The following CEP126 variants were observed in gnomAD, a reference collection of about 807,000 sequenced individuals.
The protein encoded by CEP126 is centrosomal protein of 126 kDa.
In CEP126, 74 loss-of-function variants were observed where a neutral mutation model predicts 107.8. The observed-to-expected ratio is 0.69, with a 90% CI of 0.57 to 0.83. The LOEUF (loss-of-function observed/expected upper bound fraction) is 0.83. Among genes scored for constraint, CEP126 ranks in the 40% least tolerant of loss-of-function variants. The pLI is 0.00. For missense variants in CEP126, 1,237 were observed against 1,281.9 expected (o/e 0.96, Z 0.53); for synonymous variants, 449 against 446.0 (o/e 1.01, Z -0.08).
At chr11:101,918,387 G>T (rs1049600776) in intron 1 of CEP126, among the ~76,000 whole-genome samples, 3 of 152,194 alleles carry the variant, frequency 2.0e-5, no homozygotes, top group Non-Finnish European at 4.4e-5. Context: ...GGTGGAGGTT[G>T]CAGTGAGCCG....
At chr11:101,976,456 G>A (rs1203809424) in intron 6 of CEP126, among the ~76,000 whole-genome samples, 1 of 152,138 alleles carries the variant, frequency 6.6e-6, no homozygotes, top group East Asian at 1.9e-4. Flanking sequence ...CTGGTATTAT[G>A]TTATTATTTC....
chr11:101,934,176 A>G (rs1940543471), intron 2 of CEP126, among the ~76,000 whole-genome samples: 1 of 152,096 alleles, frequency 6.6e-6, no homozygotes, highest in Non-Finnish European at 1.5e-5. Flanking sequence ...TACTGCAGTC[A>G]TCTATAGATC....
chr11:101,986,874 T>G lies in CEP126; in HGVS notation c.3077T>G (p.Val1026Gly). 6.2e-7 allele frequency: 1 copy of G among 1,613,868 alleles called. No homozygotes were observed. The highest frequency in any genetic ancestry group is 8.5e-7 in the Non-Finnish European group (1 of 1,179,862). ...TSEFLMAENLVKASVPEDEIL... is the reference protein window; with the variant it reads ...TSEFLMAENLGKASVPEDEIL... ...GAGTTTTTGATGGCTGAAAACTTAG[T>G]GAAAGCATCAGTGCCGGAGGATGAG... Residue 1026 changes from valine (V) to glycine (G), a missense_variant, in exon 9 of 11, where the codon GTG (valine) becomes GGG (glycine). Val to Gly is a moderately radical substitution (Grantham distance 109). Around this residue, in one of 3 missense-constraint regions of CEP126, gnomAD observed 99 missense variants for 114.4 expected, o/e 0.87. Coordinates refer to ENST00000263468, the MANE Select transcript of CEP126 (RefSeq NM_020802.4).
At chr11:101,978,482 T>A in intron 7 of CEP126, 23 bp downstream of exon 7, 1 of 1,453,024 alleles carries the variant, frequency 6.9e-7, no homozygotes, top group Non-Finnish European at 9.6e-7. Flanking sequence ...TTAATCAAAA[T>A]CTCTATTCAA....
intron 4 of CEP126, 60 bp downstream of exon 4, chr11:101,948,202 C>A: frequency 9.9e-7 from 1 of 1,005,948 alleles, no homozygotes; most frequent in Non-Finnish European, 1.5e-6. Flanking sequence ...CATCTAGTTA[C>A]TGTGCTTGTC....
chr11:101,948,208 T>G (rs1452660789), intron 4 of CEP126, 66 bp downstream of exon 4: 12 of 942,712 alleles, frequency 1.3e-5, no homozygotes, highest in Non-Finnish European at 1.9e-5. Flanking sequence ...GTTACTGTGC[T>G]TGTCAGCTTT....
At chr11:101,966,949 A>G (rs762407972) in intron 6 of CEP126, among the ~76,000 whole-genome samples, 2 of 148,688 alleles carry the variant, frequency 1.3e-5, no homozygotes, top group Non-Finnish European at 3.0e-5. Flanking sequence ...TACTCCTACC[A>G]TTCTTCTACC....
At chr11:101,974,886 T>A (rs1941174899) in intron 6 of CEP126, among the ~76,000 whole-genome samples, 1 of 152,134 alleles carries the variant, frequency 6.6e-6, no homozygotes, top group Non-Finnish European at 1.5e-5. Context: ...TCCACAAAAC[T>A]ACAAAGAACA....
chr11:101,954,699 G>A (rs1453329238), intron 4 of CEP126, among the ~76,000 whole-genome samples: 1 of 151,832 alleles, frequency 6.6e-6, no homozygotes, highest in Non-Finnish European at 1.5e-5. Flanking sequence ...TGTATACAAT[G>A]TATAGTGAGA....
At chr11:101,968,493 G>C (rs1941086538) in intron 6 of CEP126, among the ~76,000 whole-genome samples, 1 of 152,148 alleles carries the variant, frequency 6.6e-6, no homozygotes. Context: ...TAAATGAGCA[G>C]GATTGGAAGA....
At chr11:101,990,860 G>A (rs1941370890) in intron 9 of CEP126, among the ~76,000 whole-genome samples, 2 of 152,064 alleles carry the variant, frequency 1.3e-5, no homozygotes, top group African/African-American at 4.8e-5. Flanking sequence ...TAACACCAAT[G>A]GAATTTGAAA....
At chr11:101,964,174 G>A (rs759058837) in intron 6 of CEP126, among the ~76,000 whole-genome samples, 14 of 151,698 alleles carry the variant, frequency 9.2e-5, no homozygotes, top group African/African-American at 9.7e-5. Flanking sequence ...ATGGTGGTGC[G>A]TGCCTATAGT....
At chr11:101,938,159 C>CAAAAAAAAAAAAAAAAAAAAAAAAAAAAA (rs1491167740) in intron 2 of CEP126, among the ~76,000 whole-genome samples, 7 of 39,264 alleles carry the variant, frequency 1.8e-4, no homozygotes, top group Admixed American at 2.4e-4. Flanking sequence ...GACTCTGTCT[C>CAAAAAAAAAAAAAAAAAAAAAAAAAAAAA]AAAAAAAAAA....
At chr11:101,917,975 T>TC (rs1940255026) in intron 1 of CEP126, among the ~76,000 whole-genome samples, 1 of 152,194 alleles carries the variant, frequency 6.6e-6, no homozygotes, top group South Asian at 2.1e-4. Flanking sequence ...TATGAATGCC[T>TC]CTGCCAGGTC....
intron 6 of CEP126, among the ~76,000 whole-genome samples, chr11:101,974,953 T>C (rs1254033250): frequency 1.3e-5 from 2 of 152,152 alleles, no homozygotes; most frequent in Non-Finnish European, 1.5e-5. Context: ...TTCAGAAAAT[T>C]GATGAGCAAA....
At chr11:101,991,629 G>T (rs1941383625) in intron 9 of CEP126, among the ~76,000 whole-genome samples, 1 of 152,134 alleles carries the variant, frequency 6.6e-6, no homozygotes, top group Admixed American at 6.5e-5. Context: ...AAAAGTAACA[G>T]AAATGGAAAA....
intron 2 of CEP126, among the ~76,000 whole-genome samples, chr11:101,935,970 T>C (rs1270648602): frequency 5.3e-5 from 8 of 152,232 alleles, no homozygotes; most frequent in Non-Finnish European, 7.4e-5. Context: ...TATAGTGAAA[T>C]AAGATAGTGT....
At chr11:101,954,520 G>A (rs181187287) in intron 4 of CEP126, among the ~76,000 whole-genome samples, 46 of 152,068 alleles carry the variant, frequency 3.0e-4, no homozygotes, top group Admixed American at 7.2e-4. Context: ...CATCATCTTT[G>A]TTTTATAGAA....
chr11:101,959,304 C>T (rs527559177), intron 5 of CEP126, among the ~76,000 whole-genome samples: 38 of 152,006 alleles, frequency 2.5e-4, no homozygotes, highest in Admixed American at 1.6e-3. Context: ...TACAGGTGCC[C>T]GCCACCACGC....
Sources: allele counts gnomAD v4.1 joint callset (sites outside exome capture counted in the v4.1 genomes callset), GRCh38; gene constraint gnomAD v4.1.1; regional missense constraint gnomAD v4.1.1; transcripts MANE v1.5; gene names NCBI Gene and HGNC (gene_info 2026-07-23, HGNC 2026-07-21).